Variants in KIAA1671 observed in about 807,000 individuals in gnomAD.
The protein encoded by KIAA1671 is KIAA1671, also known as uncharacterized protein KIAA1671.
In KIAA1671, 52 loss-of-function variants were observed where a neutral mutation model predicts 131.2. The ratio of observed to expected loss-of-function variants is 0.40; its 90% CI spans 0.32 to 0.50. KIAA1671 has a LOEUF of 0.50. KIAA1671 is among the 20% of genes least tolerant of loss of function. The probability of loss-of-function intolerance (pLI) is 0.73; values close to 1 mark genes in which losing one functional copy is unlikely to be tolerated. For synonymous variants in KIAA1671, 1,003 were observed against 961.6 expected, an observed-to-expected ratio of 1.04 and a Z score of -0.80; for missense variants, 2,360 against 2,364.2, an observed-to-expected ratio of 1.00 and a Z score of 0.04.
chr22:25,178,287 C>T (rs1263555108), intron 9 of KIAA1671, among the ~76,000 whole-genome samples: 1 of 152,206 alleles, frequency 6.6e-6, no homozygotes, highest in Non-Finnish European at 1.5e-5. Flanking sequence ...CCACAGCCCC[C>T]TCTGGGTGCC....
intron 1 of KIAA1671, among the ~76,000 whole-genome samples, chr22:25,000,445 G>A (rs1245979691): frequency 1.0e-5 from 1 of 96,682 alleles, no homozygotes; most frequent in Non-Finnish European, 2.1e-5. Context: ...CGCCCGCCTC[G>A]GCCTCCCAAA....
intron 6 of KIAA1671, among the ~76,000 whole-genome samples, chr22:25,116,022 C>T (rs748865808): frequency 2.0e-5 from 3 of 152,084 alleles, no homozygotes; most frequent in Non-Finnish European, 4.4e-5. Context: ...GTGATCCACC[C>T]GCTTCAACCT....
At chr22:25,179,481 C>G in intron 9 of KIAA1671, 1 of 1,612,976 alleles carries the variant, frequency 6.2e-7, no homozygotes, top group Non-Finnish European at 8.5e-7. Context: ...TTATTCTCCT[C>G]CAGCGCCTTG....
At position 25,143,757 on chromosome 22, in the gene KIAA1671, C is replaced by T. The variant is rs540907408; in HGVS notation, c.4531-27063C>T. On this transcript the variant is annotated intron_variant, in intron 6 of 12. Transcript: ENST00000358431. ...TGAGGGCCCTGGATAGCCTAGGAGT[C>T]TAGAAACCTGGGCCTAAGATTAGAC... Among the ~76,000 whole-genome samples the T allele has an allele frequency of 1.4e-4, 21 of 152,302 alleles. No individual in the cohort carries two copies. The East Asian group carries it at 3.7e-3, about 27-fold the overall frequency.
intron 1 of KIAA1671, among the ~76,000 whole-genome samples, chr22:24,973,401 T>TG (rs35918368): frequency 0.18 from 23,821 of 134,702 alleles, 2,963 homozygotes; most frequent in East Asian, 0.63. Context: ...TTTTTTTTTT[T>TG]TTTTTTTTTT....
intron 6 of KIAA1671, among the ~76,000 whole-genome samples, chr22:25,067,391 A>T (rs1928534945): frequency 6.6e-6 from 1 of 151,952 alleles, no homozygotes; most frequent in Non-Finnish European, 1.5e-5. Flanking sequence ...CCGGGCCATC[A>T]GTCTGGCTTA....
intron 3 of KIAA1671, among the ~76,000 whole-genome samples, chr22:25,031,676 G>A (rs908878524): frequency 2.6e-5 from 4 of 152,156 alleles, no homozygotes; most frequent in African/African-American, 9.7e-5. Context: ...CTTATGTGTA[G>A]CCGGGGCTGA....
intron 1 of KIAA1671, among the ~76,000 whole-genome samples, chr22:24,956,244 G>GT (rs1921693851): frequency 1.3e-5 from 2 of 152,140 alleles, no homozygotes; most frequent in Non-Finnish European, 2.9e-5. Context: ...AGAGGGAGTG[G>GT]TATCAGTACT....
intron 5 of KIAA1671, among the ~76,000 whole-genome samples, chr22:25,046,090 T>G (rs1429832616): frequency 1.3e-5 from 2 of 151,888 alleles, no homozygotes; most frequent in African/African-American, 2.4e-5. Context: ...TCACTTGAGG[T>G]CAGGAGTTTG....
chr22:24,992,692 A>G (rs6004384), intron 1 of KIAA1671, among the ~76,000 whole-genome samples: 19,225 of 151,352 alleles, frequency 0.13, 1,542 homozygotes, highest in East Asian at 0.44. Context: ...GTGCATGCCT[A>G]TAGTCCCAGC....
intron 10 of KIAA1671, among the ~76,000 whole-genome samples, chr22:25,182,178 CA>C (rs750029304): frequency 6.0e-5 from 4 of 67,158 alleles, no homozygotes; most frequent in Admixed American, 1.8e-4. Context: ...GACTCCATCT[CA>C]AAAAAAAAAC....
Position 25,159,418 on chromosome 22 carries a change from G to A in KIAA1671, c.4531-11402G>A, listed in dbSNP as rs5760885. On this transcript the variant is annotated intron_variant, in intron 6 of 12. Transcript: ENST00000358431. Reference sequence around the variant, plus strand: ...GGAGGGAGTCCTAGTCTCCCTGGACGTCAGGTCCAGGGAGATACTGGGGGA... The same window carrying A: ...GGAGGGAGTCCTAGTCTCCCTGGACATCAGGTCCAGGGAGATACTGGGGGA... Among the ~76,000 whole-genome samples, 327 of 152,264 alleles carry A rather than the reference G, an allele frequency of 2.1e-3. 8 individuals carry two copies. The East Asian group carries it at 0.051, about 24-fold the overall frequency.
rs116050190 is a variant in KIAA1671, at chr22:25,143,137, C to T, written c.4531-27683C>T. 4.8e-3 allele frequency among the ~76,000 whole-genome samples: 737 copies of T among 152,330 alleles called. 7 individuals carry two copies. Among genetic ancestry groups the T allele is most frequent in the African/African-American group, 0.017 (711 of 41,572 alleles). ...TTCAGGCTCTCCCCGTCCTGGGCAC[C>T]GGCCAAGGTGCCAAGGAGACAGTGG... On this transcript the variant is annotated intron_variant, in intron 6 of 12. Coordinates refer to ENST00000358431, the MANE Select transcript of KIAA1671 (RefSeq NM_001145206.2).
intron 6 of KIAA1671, chr22:25,112,049 A>T (rs757128870): frequency 5.0e-6 from 2 of 396,390 alleles, no homozygotes; most frequent in African/African-American, 2.1e-5. Flanking sequence ...GCTGTTTTTA[A>T]TTTTTTTTCC....
At chr22:25,182,200 C>A (rs1934310264) in intron 10 of KIAA1671, among the ~76,000 whole-genome samples, 1 of 97,738 alleles carries the variant, frequency 1.0e-5, no homozygotes, top group South Asian at 2.7e-4. Flanking sequence ...AAAAAACAAA[C>A]ATATTCCTTC....
At chr22:25,017,980 C>T (rs1219537522) in intron 1 of KIAA1671, among the ~76,000 whole-genome samples, 1 of 151,984 alleles carries the variant, frequency 6.6e-6, no homozygotes, top group African/African-American at 2.4e-5. Flanking sequence ...TATCTCATGC[C>T]TTTGGGCCTT....
chr22:25,119,098 C>T (rs545471946), intron 6 of KIAA1671, among the ~76,000 whole-genome samples: 32 of 152,254 alleles, frequency 2.1e-4, no homozygotes, highest in South Asian at 4.1e-4. Context: ...GGGCTTTGGC[C>T]GTCCTGGTTC....
chr22:25,037,886 C>G (rs1346007911), intron 4 of KIAA1671, among the ~76,000 whole-genome samples: 1 of 152,118 alleles, frequency 6.6e-6, no homozygotes, highest in East Asian at 1.9e-4. Flanking sequence ...GTCACCCAGG[C>G]TGGAGTGCAG....
intron 1 of KIAA1671, among the ~76,000 whole-genome samples, chr22:24,953,441 G>C (rs1316601019): frequency 6.6e-6 from 1 of 151,994 alleles, no homozygotes; most frequent in Non-Finnish European, 1.5e-5. Context: ...GGCGGCGCGC[G>C]GGGCCCCTCG....
Sources: gnomAD v4.1 joint callset for allele counts (sites outside exome capture counted in the v4.1 genomes callset) on GRCh38, gnomAD v4.1.1 for gene constraint, MANE v1.5 for transcripts, NCBI Gene and HGNC (gene_info 2026-07-23, HGNC 2026-07-21) for gene names.